The following INPP5A variants were observed in gnomAD, a reference collection of about 807,000 sequenced individuals.
INPP5A encodes the protein 43 kDa inositol polyphosphate 5-phophatase.
INPP5A carries 14 observed loss-of-function variants against 65.2 expected under a neutral mutation model. The ratio of observed to expected loss-of-function variants is 0.21; its 90% CI spans 0.14 to 0.34. The LOEUF is 0.34. Ranked by LOEUF, INPP5A falls within the 10% of genes least tolerant of loss-of-function variation. INPP5A has a pLI of 1.00. For missense variants in INPP5A, 431 were observed against 545.6 expected, an observed-to-expected ratio of 0.79 and a Z score of 2.09; for synonymous variants, 207 against 208.3, an observed-to-expected ratio of 0.99 and a Z score of 0.05.
At position 132,537,953 on chromosome 10, in the gene INPP5A, CCCGCCGAG is replaced by C. The variant is rs2070859922; in HGVS notation, c.-141_-134del. 1 of 171,848 alleles carries C rather than the reference CCCGCCGAG, an allele frequency of 5.8e-6. No individual in the cohort carries two copies. The allele number at this position is 171,848 out of a possible 1,614,324, so 10.6% of individuals were successfully genotyped here. On this transcript the variant is annotated 5_prime_UTR_variant, in exon 1 of 16. Transcript: ENST00000368594. The stretch of plus-strand genomic sequence containing the variant: ...CGGAGCCCCGGCCAGGCCCGGCCGA[CCCGCCGAG>C]CCCGCGATGCGCCCCGGGGCCGCCC...
At chr10:132,630,504 G>A (rs1314155187) in intron 2 of INPP5A, among the ~76,000 whole-genome samples, 1 of 151,830 alleles carries the variant, frequency 6.6e-6, no homozygotes, top group African/African-American at 2.4e-5. Flanking sequence ...CCATCCTTGA[G>A]GAAAAGGCAT....
At chr10:132,779,602 A>G (rs1048185620) in intron 13 of INPP5A, among the ~76,000 whole-genome samples, 11 of 152,248 alleles carry the variant, frequency 7.2e-5, no homozygotes, top group Non-Finnish European at 1.3e-4. Context: ...CTTTATGCTC[A>G]GGGTGGGGGA....
chr10:132,704,468 G>A lies in INPP5A; in HGVS notation c.475-3845G>A, dbSNP rs1386879921. ...CCGAGGGTTGGGTGTGTGCCTGTGT[G>A]TTGGACGCCAGCCCGCGGCGGCTGC... On this transcript the variant is annotated intron_variant, in intron 6 of 15. Transcript: ENST00000368594. The surrounding 1 kb of genome is among the most constrained non-coding windows in gnomAD (Gnocchi z 4.5). 6.6e-6 allele frequency among the ~76,000 whole-genome samples: 1 copy of A among 152,264 alleles called. No individual in the cohort carries two copies. Among genetic ancestry groups the A allele is most frequent in the East Asian group, 1.9e-4 (1 of 5,200 alleles).
In INPP5A at chr10:132,756,137, G is replaced by A. The variant is rs189283093; in HGVS notation, c.903+6292G>A. Among the ~76,000 whole-genome samples, 11 of 152,328 alleles carry A rather than the reference G, an allele frequency of 7.2e-5. No individual in the cohort carries two copies. In the East Asian group the frequency reaches 1.2e-3, roughly 16 times the overall value. On this transcript the variant is annotated intron_variant, in intron 11 of 15. Coordinates refer to ENST00000368594, the MANE Select transcript of INPP5A (RefSeq NM_005539.5). ...CGCCTGGCCTGGAATTCCTCGGCCC[G>A]GTCAGGAATTGAAGAGAAAAGCAAG...
At chr10:132,653,518 C>G (rs112232766) in intron 4 of INPP5A, among the ~76,000 whole-genome samples, 5 of 152,302 alleles carry the variant, frequency 3.3e-5, no homozygotes, top group African/African-American at 1.2e-4. Flanking sequence ...CTCCCTGGCC[C>G]TGGGTGGTTC....
At position 132,587,678 on chromosome 10, in the gene INPP5A, A is replaced by G. The variant is rs918044379; in HGVS notation, c.76-20237A>G. On this transcript the variant is annotated intron_variant, in intron 1 of 15. Coordinates refer to ENST00000368594, the MANE Select transcript of INPP5A (RefSeq NM_005539.5). The surrounding 1 kb of genome is among the most constrained non-coding windows in gnomAD (Gnocchi z 4.3). ...GCCTGTAGATAATTGCGTTTTGTGTATGCCATGATTTCAAAGTTATACTTG... is the reference window on the plus strand; with the variant it reads ...GCCTGTAGATAATTGCGTTTTGTGTGTGCCATGATTTCAAAGTTATACTTG... Among the ~76,000 whole-genome samples the G allele has an allele frequency of 8.5e-5, 13 of 152,312 alleles. No individual in the cohort carries two copies. Among genetic ancestry groups the G allele is most frequent in the Admixed American group, 6.5e-4 (10 of 15,294 alleles).
At chr10:132,780,771 T>A (rs1008144586) in intron 13 of INPP5A, 78 bp from the exon 14 acceptor site, 13 of 1,147,404 alleles carry the variant, frequency 1.1e-5, no homozygotes, top group Non-Finnish European at 1.6e-5. Context: ...AAAACCCTGA[T>A]GTTCCTGCCA....
intron 12 of INPP5A, among the ~76,000 whole-genome samples, chr10:132,777,451 T>C (rs1297549522): frequency 6.6e-6 from 1 of 152,274 alleles, no homozygotes; most frequent in Non-Finnish European, 1.5e-5. Flanking sequence ...GTGAAGATAC[T>C]GTGCTATAGC....
chr10:132,679,268 C>G (rs546257582), intron 4 of INPP5A, among the ~76,000 whole-genome samples: 1 of 152,166 alleles, frequency 6.6e-6, no homozygotes, highest in African/African-American at 2.4e-5. Context: ...GGACAAGATG[C>G]TGGAGGAATC....
rs1388535107 is a variant in INPP5A, at chr10:132,651,187, G to A, written c.306+682G>A. 6.6e-6 allele frequency among the ~76,000 whole-genome samples: 1 copy of A among 152,164 alleles called. No homozygotes were observed. Among genetic ancestry groups the A allele is most frequent in the Non-Finnish European group, 1.5e-5 (1 of 67,990 alleles). On this transcript the variant is annotated intron_variant, in intron 4 of 15. Transcript: ENST00000368594. This position sits in a 1 kb window ranked among gnomAD's most constrained non-coding sequence, Gnocchi z 5.0. ...TCGTGAATAACTTGCTGTTGGTTCA[G>A]AGACCCACGTCTTAAATCCCGTCTT... is the stretch of plus-strand genomic sequence containing the variant.
At chr10:132,723,772 C>T (rs897400657) in intron 8 of INPP5A, among the ~76,000 whole-genome samples, 1 of 152,130 alleles carries the variant, frequency 6.6e-6, no homozygotes, top group Non-Finnish European at 1.5e-5. Flanking sequence ...GGCCGGCGGG[C>T]GTTGCCGCCC....
At chr10:132,588,381 C>T (rs939838276) in intron 1 of INPP5A, among the ~76,000 whole-genome samples, 2 of 152,234 alleles carry the variant, frequency 1.3e-5, no homozygotes, top group East Asian at 1.9e-4. Flanking sequence ...TTCTCACGGG[C>T]CTTCCTCCTG....
intron 8 of INPP5A, among the ~76,000 whole-genome samples, chr10:132,725,909 C>T (rs1845976617): frequency 6.6e-6 from 1 of 152,070 alleles, no homozygotes; most frequent in Admixed American, 6.6e-5. Context: ...TGTTTCTGTT[C>T]CACTGATGGT....
chr10:132,781,280 G>A (rs1053024258), intron 14 of INPP5A, among the ~76,000 whole-genome samples: 3 of 152,204 alleles, frequency 2.0e-5, no homozygotes, highest in Non-Finnish European at 4.4e-5. Context: ...TGGCCTTCTT[G>A]GGGCAGGCTC....
At chr10:132,570,397 C>T (rs751123111) in intron 1 of INPP5A, among the ~76,000 whole-genome samples, 2 of 152,132 alleles carry the variant, frequency 1.3e-5, no homozygotes, top group South Asian at 2.1e-4. Flanking sequence ...CCCTGGGAAG[C>T]GGGAGGAGTT....
At chr10:132,611,537 CAG>C (rs1210321035) in intron 2 of INPP5A, among the ~76,000 whole-genome samples, 1 of 132,704 alleles carries the variant, frequency 7.5e-6, no homozygotes, top group Non-Finnish European at 1.6e-5. Context: ...GAGGCCCTGT[CAG>C]GGGAGGGTGA....
At chr10:132,619,604 T>G (rs2072085376) in intron 2 of INPP5A, among the ~76,000 whole-genome samples, 1 of 152,202 alleles carries the variant, frequency 6.6e-6, no homozygotes. Flanking sequence ...ACCCCACATT[T>G]TCCCTTGACA....
chr10:132,730,173 C>G (rs952257208), intron 9 of INPP5A, among the ~76,000 whole-genome samples: 1 of 152,258 alleles, frequency 6.6e-6, no homozygotes, highest in East Asian at 1.9e-4. Context: ...GTCCACCTGC[C>G]CTGTCCTCAG....
At position 132,537,988 on chromosome 10, in the gene INPP5A, C is replaced by A; in HGVS notation, c.-109C>A. ...CCGCGATGCGCCCCGGGGCCGCCCC[C>A]CGGCGCAGCTGACGCCCCGCGGCCC... is the stretch of plus-strand genomic sequence containing the variant. On this transcript the variant is annotated 5_prime_UTR_variant, in exon 1 of 16. Coordinates refer to ENST00000368594, the MANE Select transcript of INPP5A (RefSeq NM_005539.5). 1 of 343,262 alleles carries A rather than the reference C, an allele frequency of 2.9e-6. No homozygotes were observed. The highest frequency in any genetic ancestry group is 1.1e-4 in the South Asian group (1 of 9,278). The allele number at this position is 343,262 out of a possible 1,614,324, so 21.3% of individuals were successfully genotyped here. A position where few individuals can be genotyped will look rare whatever the true frequency, so the allele number is the denominator to read the frequency against.
Sources: allele counts gnomAD v4.1 joint callset (sites outside exome capture counted in the v4.1 genomes callset), GRCh38; gene constraint gnomAD v4.1.1; non-coding constraint Gnocchi (gnomAD v3.1); transcripts MANE v1.5; gene names NCBI Gene and HGNC (gene_info 2026-07-23, HGNC 2026-07-21).